Variants in ADAMTS20 observed in about 807,000 individuals in gnomAD.
ADAMTS20 encodes the protein A disintegrin and metalloproteinase with thrombospondin motifs 20.
A neutral mutation model predicts 260.1 loss-of-function variants in ADAMTS20; 225 were observed. That is an observed-to-expected ratio of 0.87 (90% confidence interval 0.78 to 0.97). The LOEUF is 0.97. Among genes scored for constraint, ADAMTS20 ranks in the 50% least tolerant of loss-of-function variants. The pLI, the probability that ADAMTS20 is intolerant of heterozygous loss-of-function variation, is 0.00. For synonymous variants in ADAMTS20, 802 were observed against 769.5 expected (o/e 1.04, Z -0.70); for missense variants, 2,400 against 2,337.7 (o/e 1.03, Z -0.55).
intron 37 of ADAMTS20, among the ~76,000 whole-genome samples, chr12:43,356,818 G>T (rs1565662481): frequency 6.6e-6 from 1 of 152,154 alleles, no homozygotes. Context: ...AACATTTGCT[G>T]CACTTTAACA....
rs747943822 is a variant in ADAMTS20, at chr12:43,428,420, G to A, written c.3766C>T (p.Gln1256Ter). ...CDPEVRPLME[Q>*]ECSLAACPPA... ...GGGCAGGCTGCCAGGCTACATTCCT[G>A]TTCCATCAAAGGGCGAACTTCAGGA... is the stretch of plus-strand genomic sequence containing the variant. Residue 1256 changes from glutamine (Q) to a stop codon, truncating the protein, a stop_gained, in exon 26 of 39, where the codon CAG (glutamine) becomes TAG (stop). Coordinates refer to ENST00000389420, the MANE Select transcript of ADAMTS20 (RefSeq NM_025003.5). LOFTEE classifies it high-confidence loss of function. 12 of 1,613,876 alleles carry A rather than the reference G, an allele frequency of 7.4e-6. No homozygotes were observed. The highest frequency in any genetic ancestry group is 9.3e-6 in the Non-Finnish European group (11 of 1,179,858).
At position 43,354,230 on chromosome 12, in the gene ADAMTS20, A is replaced by G; in HGVS notation, c.5712T>C (p.Gly1904=). 6.3e-7 allele frequency: 1 copy of G among 1,590,320 alleles called. No individual in the cohort carries two copies. The part of the protein sequence containing the change: ...CGKCLPHMTT[G]LPIQVI ...ATGTTCATATGACTTGAATTGGGAG[A>G]CCAGTAGTCATGTGAGGAAGACACT... The change falls in exon 39 of 39, where the codon GGT becomes GGC. Residue 1904 remains glycine (G), a synonymous_variant. Transcript: ENST00000389420.
intron 2 of ADAMTS20, among the ~76,000 whole-genome samples, chr12:43,540,537 G>T (rs1488900958): frequency 6.6e-6 from 1 of 151,914 alleles, no homozygotes; most frequent in African/African-American, 2.4e-5. Flanking sequence ...TGGACTTTTT[G>T]TTCAAATAAT....
chr12:43,392,358 C>T (rs1202047703), intron 29 of ADAMTS20, among the ~76,000 whole-genome samples: 1 of 152,006 alleles, frequency 6.6e-6, no homozygotes, highest in African/African-American at 2.4e-5. Context: ...GCAAGAAGTT[C>T]TATTAGATAA....
intron 3 of ADAMTS20, among the ~76,000 whole-genome samples, chr12:43,506,797 T>A (rs116611446): frequency 0.1 from 14,688 of 145,474 alleles, 799 homozygotes; most frequent in Middle Eastern, 0.18. Context: ...TTTTTTTTTT[T>A]ACCACAATTA....
intron 14 of ADAMTS20, among the ~76,000 whole-genome samples, chr12:43,451,324 G>A (rs1592075852): frequency 6.6e-6 from 1 of 152,132 alleles, no homozygotes; most frequent in East Asian, 1.9e-4. Flanking sequence ...CCATTGCAAT[G>A]TTTGTGCTTT....
chr12:43,403,371 A>G (rs1940849837), intron 28 of ADAMTS20, among the ~76,000 whole-genome samples: 1 of 152,128 alleles, frequency 6.6e-6, no homozygotes, highest in Admixed American at 6.6e-5. Context: ...TTTCAGTTGT[A>G]GGAAATGGAA....
intron 4 of ADAMTS20, 64 bp from the exon 5 acceptor site, chr12:43,493,317 G>T: frequency 8.5e-7 from 1 of 1,177,570 alleles, no homozygotes; most frequent in Non-Finnish European, 1.2e-6. Context: ...AAAGTAAGTT[G>T]AAATAGTCAC....
intron 16 of ADAMTS20, among the ~76,000 whole-genome samples, chr12:43,441,087 A>AC (rs1353620833): frequency 1.3e-5 from 2 of 151,588 alleles, no homozygotes; most frequent in African/African-American, 4.8e-5. Flanking sequence ...ACAAAAAAAA[A>AC]ACTCTAGGGT....
chr12:43,468,876 T>A (rs1942202746), intron 7 of ADAMTS20, among the ~76,000 whole-genome samples, 171 bp from the exon 8 acceptor site: 1 of 152,188 alleles, frequency 6.6e-6, no homozygotes, highest in Admixed American at 6.5e-5. Context: ...TGGAATGATT[T>A]ATTTGCAGTT....
chr12:43,392,337 AAC>A (rs1262861013), intron 29 of ADAMTS20, among the ~76,000 whole-genome samples: 1 of 152,134 alleles, frequency 6.6e-6, no homozygotes, highest in African/African-American at 2.4e-5. Flanking sequence ...TAGTTTATAA[AAC>A]ACAGTTTAGC....
At chr12:43,529,098 G>T (rs1592111893) in intron 3 of ADAMTS20, among the ~76,000 whole-genome samples, 1 of 152,192 alleles carries the variant, frequency 6.6e-6, no homozygotes, top group South Asian at 2.1e-4. Flanking sequence ...AAACCACATT[G>T]GGATACTACC....
intron 3 of ADAMTS20, among the ~76,000 whole-genome samples, chr12:43,507,829 C>G (rs1406781100): frequency 6.6e-6 from 1 of 152,124 alleles, no homozygotes; most frequent in African/African-American, 2.4e-5. Flanking sequence ...AACGAGGTAT[C>G]TTTTGGAGGA....
intron 11 of ADAMTS20, among the ~76,000 whole-genome samples, chr12:43,457,167 CTCT>C (rs1457592699): frequency 6.6e-6 from 1 of 151,688 alleles, no homozygotes; most frequent in African/African-American, 2.4e-5. Context: ...TAATTTTTTT[CTCT>C]TCATTTCCAG....
chr12:43,407,262 A>G (rs1940936656), intron 28 of ADAMTS20, among the ~76,000 whole-genome samples: 1 of 152,028 alleles, frequency 6.6e-6, no homozygotes, highest in East Asian at 1.9e-4. Context: ...TCTCAACTTA[A>G]AGGAAAAAAC....
chr12:43,354,390 G>T, intron 38 of ADAMTS20, 92 bp from the exon 39 acceptor site: 1 of 881,460 alleles, frequency 1.1e-6, no homozygotes. Context: ...GAATCATATG[G>T]CTAAAATCAT....
At position 43,440,179 on chromosome 12, in the gene ADAMTS20, T is replaced by C. The variant is rs1401964735; in HGVS notation, c.2291-110A>G. On this transcript the variant is annotated intron_variant, in intron 16 of 38. Coordinates refer to ENST00000389420, the MANE Select transcript of ADAMTS20 (RefSeq NM_025003.5). ...TTTTTTTTGAGACGGAGTCTTGCTG[T>C]ATCTCCCAGGCTGGAGTACAGTGGC... is the stretch of plus-strand genomic sequence containing the variant. 6.3e-6 allele frequency: 5 copies of C among 791,210 alleles called. No homozygotes were observed. In the African/African-American group the frequency reaches 7.3e-5, roughly 12 times the overall value. The allele number at this position is 791,210 out of a possible 1,614,324, so 49.0% of individuals were successfully genotyped here.
intron 3 of ADAMTS20, among the ~76,000 whole-genome samples, chr12:43,507,215 G>A (rs1007537077): frequency 1.3e-4 from 20 of 152,248 alleles, no homozygotes; most frequent in African/African-American, 4.8e-4. Flanking sequence ...TGTATACCTT[G>A]AATATATACA....
chr12:43,421,056 G>A (rs536383649), intron 28 of ADAMTS20, among the ~76,000 whole-genome samples: 4 of 151,202 alleles, frequency 2.6e-5, no homozygotes, highest in African/African-American at 4.8e-5. Context: ...TGATCCAGCC[G>A]CCTCAGCCTC....
Sources: allele counts gnomAD v4.1 joint callset (sites outside exome capture counted in the v4.1 genomes callset), GRCh38; gene constraint gnomAD v4.1.1; transcripts MANE v1.5; gene names NCBI Gene and HGNC (gene_info 2026-07-23, HGNC 2026-07-21).